The following CSMD1 variants were observed in gnomAD, a reference collection of about 807,000 sequenced individuals.
CSMD1 encodes CUB and Sushi multiple domains 1.
CSMD1 carries 213 observed loss-of-function variants against 417.5 expected under a neutral mutation model. That is an observed-to-expected ratio of 0.51 (90% CI 0.46 to 0.57). The LOEUF is 0.57. Ranked by LOEUF, CSMD1 falls within the 20% of genes least tolerant of loss-of-function variation. CSMD1 has a pLI of 0.00. For synonymous variants in CSMD1, 2,862 were observed against 1,736.8 expected (o/e 1.65, Z -16.11); for missense variants, 6,923 against 4,529.7 (o/e 1.53, Z -15.17).
chr8:4,462,572 A>T (rs1799901351), intron 2 of CSMD1, among the ~76,000 whole-genome samples: 1 of 152,156 alleles, frequency 6.6e-6, no homozygotes, highest in Admixed American at 6.5e-5. Flanking sequence ...CAATATTCAT[A>T]CCTACCTGAT....
Position 4,440,814 on chromosome 8 carries a change from G to A in CSMD1, c.303-20749C>T, listed in dbSNP as rs550836226. On this transcript the variant is annotated intron_variant, in intron 2 of 69. Coordinates refer to ENST00000635120, the MANE Select transcript of CSMD1 (RefSeq NM_033225.6). ...AGTTCGGGACCAGCCTGGCTAACAT[G>A]CTCAAACCTCCTCTCTACTGAAAAT... 3.9e-4 allele frequency among the ~76,000 whole-genome samples: 59 copies of A among 152,066 alleles called. No individual in the cohort carries two copies. The Middle Eastern group carries it at 0.01, about 26-fold the overall frequency.
rs112079905 is a variant in CSMD1, at chr8:4,348,477, T to C, written c.415+71476A>G. Among the ~76,000 whole-genome samples, 1,401 of 152,150 alleles carry C rather than the reference T, an allele frequency of 9.2e-3. 19 individuals are homozygous for C. Among genetic ancestry groups the C allele is most frequent in the African/African-American group, 0.031 (1,284 of 41,514 alleles). ...ATCATTTGCTGAAGTATCTTCATAT[T>C]TCTTTCCACAAAAAGGTAGCTTAAT... On this transcript the variant is annotated intron_variant, in intron 3 of 69. Transcript: ENST00000635120.
intron 7 of CSMD1, among the ~76,000 whole-genome samples, chr8:3,646,700 T>C (rs1373077273): frequency 6.6e-6 from 1 of 152,118 alleles, no homozygotes; most frequent in Non-Finnish European, 1.5e-5. Flanking sequence ...TAGCCCTCCT[T>C]CTAAACAGCG....
intron 54 of CSMD1, among the ~76,000 whole-genome samples, chr8:2,983,428 C>T (rs1350449730): frequency 2.6e-5 from 4 of 152,154 alleles, no homozygotes; most frequent in Admixed American, 6.5e-5. Context: ...CCTCGTGATC[C>T]GCCTGCCTCA....
intron 3 of CSMD1, among the ~76,000 whole-genome samples, chr8:4,078,452 C>G (rs1160146521): frequency 6.6e-6 from 1 of 151,446 alleles, no homozygotes; most frequent in East Asian, 2.0e-4. Flanking sequence ...ATAGCTGGGA[C>G]TACAGGTGCC....
At chr8:3,658,464 G>GTATA (rs113956125) in intron 7 of CSMD1, among the ~76,000 whole-genome samples, 15,030 of 144,094 alleles carry the variant, frequency 0.1, 960 homozygotes, top group African/African-American at 0.17. Context: ...TATATATATT[G>GTATA]TGTATATATA....
chr8:4,122,526 C>T (rs927825688), intron 3 of CSMD1, among the ~76,000 whole-genome samples: 1 of 152,130 alleles, frequency 6.6e-6, no homozygotes, highest in Non-Finnish European at 1.5e-5. Flanking sequence ...GTACCAGCCG[C>T]ATTTTAAATA....
At position 3,787,893 on chromosome 8, in the gene CSMD1, T is replaced by C. The variant is rs181920625; in HGVS notation, c.819-33851A>G. ...GTATAAGTATGAGAGAGTGTTACTC[T>C]ATTTTGCCAGATTAAATCTCTGTAG... On this transcript the variant is annotated intron_variant, in intron 5 of 69. Transcript: ENST00000635120. Among the ~76,000 whole-genome samples, 7 of 152,322 alleles carry C rather than the reference T, an allele frequency of 4.6e-5. No individual in the cohort carries two copies. The East Asian group carries it at 1.2e-3, about 25-fold the overall frequency.
At chr8:3,555,466 T>G (rs1257032457) in intron 10 of CSMD1, among the ~76,000 whole-genome samples, 1 of 152,076 alleles carries the variant, frequency 6.6e-6, no homozygotes, top group African/African-American at 2.4e-5. Context: ...GGTCAGAAGG[T>G]GGAGGTGAAG....
In CSMD1 at chr8:4,144,592, C is replaced by G. The variant is rs74709074; in HGVS notation, c.416-112493G>C. 9.2e-3 allele frequency among the ~76,000 whole-genome samples: 1,386 copies of G among 151,020 alleles called. 103 individuals are homozygous for G. Among genetic ancestry groups the G allele is most frequent in the African/African-American group, 0.033 (1,345 of 40,400 alleles). On this transcript the variant is annotated intron_variant, in intron 3 of 69. Coordinates refer to ENST00000635120, the MANE Select transcript of CSMD1 (RefSeq NM_033225.6). ...CTGGATTGCTCAGCTACTGTTAAGT[C>G]ATAAAAGAGGTGAAGACAAGCTTGT...
At chr8:3,146,129 T>C (rs1025303252) in intron 40 of CSMD1, among the ~76,000 whole-genome samples, 20 of 152,232 alleles carry the variant, frequency 1.3e-4, no homozygotes, top group African/African-American at 4.8e-4. Flanking sequence ...GAAAGTCTGA[T>C]GGCATGGTAA....
chr8:4,479,934 C>A (rs1800998401), intron 2 of CSMD1, among the ~76,000 whole-genome samples: 1 of 150,602 alleles, frequency 6.6e-6, no homozygotes, highest in South Asian at 2.1e-4. Flanking sequence ...CCACTGCATT[C>A]CAGCCTGGGT....
intron 3 of CSMD1, among the ~76,000 whole-genome samples, chr8:4,170,842 G>A (rs995619284): frequency 6.6e-6 from 1 of 151,766 alleles, no homozygotes; most frequent in East Asian, 1.9e-4. Flanking sequence ...TATAACATAA[G>A]CATGAATTCC....
At chr8:3,262,228 TA>T (rs1801133244) in intron 26 of CSMD1, among the ~76,000 whole-genome samples, 1 of 78,166 alleles carries the variant, frequency 1.3e-5, no homozygotes, top group African/African-American at 5.3e-5. Context: ...TATATATATA[TA>T]TACACACACA....
chr8:3,641,049 T>A (rs1482201), intron 7 of CSMD1, among the ~76,000 whole-genome samples: 1 of 122,728 alleles, frequency 8.1e-6, no homozygotes, highest in Admixed American at 7.9e-5. Context: ...TTTTTTTTTG[T>A]GAATAATGTC....
chr8:4,407,026 G>T (rs769610092), intron 3 of CSMD1, among the ~76,000 whole-genome samples: 3 of 152,156 alleles, frequency 2.0e-5, no homozygotes, highest in Admixed American at 6.5e-5. Flanking sequence ...CGGGTCCCCT[G>T]TCTTGGTAAA....
intron 5 of CSMD1, among the ~76,000 whole-genome samples, chr8:3,848,188 C>A (rs1330689698): frequency 6.6e-6 from 1 of 151,962 alleles, no homozygotes; most frequent in Non-Finnish European, 1.5e-5. Flanking sequence ...AGGCAAAAGC[C>A]AATGTCAGGA....
intron 57 of CSMD1, among the ~76,000 whole-genome samples, chr8:2,968,234 C>A (rs920800872): frequency 3.9e-5 from 6 of 152,238 alleles, no homozygotes; most frequent in African/African-American, 1.4e-4. Flanking sequence ...TACTGTGCAA[C>A]AGGTACTGTG....
chr8:3,739,310 A>G (rs1796679543), intron 6 of CSMD1, among the ~76,000 whole-genome samples: 1 of 152,218 alleles, frequency 6.6e-6, no homozygotes, highest in African/African-American at 2.4e-5. Flanking sequence ...TTACAGCTAG[A>G]CAGGATGAAT....
Sources: gnomAD v4.1 joint callset for allele counts (sites outside exome capture counted in the v4.1 genomes callset) on GRCh38, gnomAD v4.1.1 for gene constraint, MANE v1.5 for transcripts, NCBI Gene and HGNC (gene_info 2026-07-23, HGNC 2026-07-21) for gene names.